TMPRSS11A: variants seen among roughly 807,000 people sequenced by gnomAD.
TMPRSS11A encodes the protein transmembrane serine protease 11A.
TMPRSS11A carries 53 observed loss-of-function variants against 58.9 expected under a neutral mutation model. That is an observed-to-expected ratio of 0.90 (90% CI 0.72 to 1.13). The LOEUF (loss-of-function observed/expected upper bound fraction) is 1.13, where lower values mean the gene tolerates loss of function less well. Among genes scored for constraint, TMPRSS11A ranks in the 50% most tolerant of loss-of-function variants. TMPRSS11A has a pLI of 0.00. For missense variants in TMPRSS11A, 493 were observed against 499.3 expected (o/e 0.99, Z 0.12); for synonymous variants, 167 against 169.8 (o/e 0.98, Z 0.13).
At chr4:67,924,192 T>G in intron 5 of TMPRSS11A, 26 bp from the exon 6 acceptor site, 1 of 1,604,010 alleles carries the variant, frequency 6.2e-7, no homozygotes, top group Non-Finnish European at 8.5e-7. Flanking sequence ...AAACAAATAG[T>G]GATAATTTGA....
chr4:67,960,474 G>T lies in TMPRSS11A; in HGVS notation c.11+2909C>A, dbSNP rs1285604652. ...CTACTTTCTTCACCTATAAAATGGA[G>T]ATAATATTACCTAAGTCATAGGATT... On this transcript the variant is annotated intron_variant, in intron 1 of 9. Transcript: ENST00000508048. 2.0e-5 allele frequency among the ~76,000 whole-genome samples: 3 copies of T among 152,260 alleles called. No individual in the cohort carries two copies. The East Asian group carries it at 5.8e-4, about 29-fold the overall frequency.
intron 8 of TMPRSS11A, among the ~76,000 whole-genome samples, chr4:67,918,222 A>G (rs191617743): frequency 1.5e-3 from 229 of 152,336 alleles, no homozygotes; most frequent in African/African-American, 5.1e-3. Context: ...AGCTTTTGTT[A>G]TACATATGTA....
chr4:67,936,772 A>T (rs1427935430), intron 3 of TMPRSS11A, among the ~76,000 whole-genome samples: 1 of 152,230 alleles, frequency 6.6e-6, no homozygotes, highest in Non-Finnish European at 1.5e-5. Context: ...TATTTCTGAG[A>T]TCACAAGGCA....
At chr4:67,922,446 A>G (rs1361044165) in intron 7 of TMPRSS11A, among the ~76,000 whole-genome samples, 1 of 152,226 alleles carries the variant, frequency 6.6e-6, no homozygotes, top group Non-Finnish European at 1.5e-5. Flanking sequence ...TTGACAAAAG[A>G]TTAATGGTAC....
At chr4:67,916,559 G>A (rs1437751246) in intron 8 of TMPRSS11A, among the ~76,000 whole-genome samples, 2 of 152,022 alleles carry the variant, frequency 1.3e-5, no homozygotes, top group Non-Finnish European at 2.9e-5. Flanking sequence ...GCGCGCGGTG[G>A]CTCACGCCTG....
chr4:67,912,306 A>G (rs113318206), intron 9 of TMPRSS11A, among the ~76,000 whole-genome samples: 2 of 151,210 alleles, frequency 1.3e-5, no homozygotes, highest in Non-Finnish European at 3.0e-5. Flanking sequence ...ACACACACAC[A>G]TACACACATA....
At chr4:67,933,613 C>T (rs193205389) in intron 3 of TMPRSS11A, among the ~76,000 whole-genome samples, 77 of 152,172 alleles carry the variant, frequency 5.1e-4, no homozygotes, top group African/African-American at 1.8e-3. Flanking sequence ...ATAAAGAAAG[C>T]CCCATTTAGC....
At position 67,919,045 on chromosome 4, in the gene TMPRSS11A, G is replaced by A. The variant is rs1328146340; in HGVS notation, c.880C>T (p.Pro294Ser). 3 of 1,614,146 alleles carry A rather than the reference G, an allele frequency of 1.9e-6. No individual in the cohort carries two copies. The highest frequency in any genetic ancestry group is 1.7e-6 in the Non-Finnish European group (2 of 1,180,024). Residue 294 changes from proline to serine, a missense_variant, in exon 8 of 10, where the codon CCA (proline) becomes TCA (serine). Transcript: ENST00000508048. ...GGTTGGAAGGATGCAGAGGCTTCTG[G>A]CAAACAAATCTGGCGTATGTCATCC... ...FSDDIRQICL[P>S]EASASFQPNL...
At chr4:67,919,841 C>A (rs1416893871) in intron 7 of TMPRSS11A, among the ~76,000 whole-genome samples, 2 of 152,016 alleles carry the variant, frequency 1.3e-5, no homozygotes, top group African/African-American at 4.8e-5. Flanking sequence ...GCAGTCAGAA[C>A]ACAAGGGAAA....
At chr4:67,937,840 C>A (rs932953814) in intron 3 of TMPRSS11A, among the ~76,000 whole-genome samples, 1 of 152,006 alleles carries the variant, frequency 6.6e-6, no homozygotes, top group African/African-American at 2.4e-5. Flanking sequence ...CACATCTTTG[C>A]TATTGTGAAT....
intron 1 of TMPRSS11A, among the ~76,000 whole-genome samples, chr4:67,947,457 A>T (rs963128359): frequency 4.6e-5 from 7 of 152,196 alleles, no homozygotes; most frequent in Non-Finnish European, 7.3e-5. Context: ...AGAATATCTT[A>T]CTTTCTGGAC....
chr4:67,918,553 CCTTT>C (rs1720221175), intron 8 of TMPRSS11A, among the ~76,000 whole-genome samples: 1 of 152,120 alleles, frequency 6.6e-6, no homozygotes, highest in African/African-American at 2.4e-5. Flanking sequence ...AATAAATATT[CCTTT>C]CTATGTATTT....
chr4:67,933,104 AAC>A (rs34906854), intron 3 of TMPRSS11A, among the ~76,000 whole-genome samples: 74,838 of 150,070 alleles, frequency 0.5, 19,122 homozygotes, highest in Non-Finnish European at 0.54. Context: ...GCATGACTGA[AAC>A]ACACACACAC....
At chr4:67,929,173 T>C (rs1226502776) in intron 5 of TMPRSS11A, among the ~76,000 whole-genome samples, 1 of 152,204 alleles carries the variant, frequency 6.6e-6, no homozygotes, top group East Asian at 1.9e-4. Flanking sequence ...TTCACTTCTA[T>C]AAAGGTGAAT....
Position 67,929,875 on chromosome 4 carries a change from C to G in TMPRSS11A, c.481+5G>C, listed in dbSNP as rs774292392. ...TTCATATCACATAGAAGGGGACCTC[C>G]TTACCATTAACTTGAACTGATGAGG... On this transcript the variant is annotated splice_donor_5th_base_variant and intron_variant, in intron 5 of 9. Coordinates refer to ENST00000508048, the MANE Select transcript of TMPRSS11A (RefSeq NM_001114387.2). 1.2e-6 allele frequency: 2 copies of G among 1,604,320 alleles called. No individual in the cohort carries two copies. Among genetic ancestry groups the G allele is most frequent in the South Asian group, 2.2e-5 (2 of 89,464 alleles).
intron 3 of TMPRSS11A, among the ~76,000 whole-genome samples, chr4:67,943,844 T>C (rs1229092964): frequency 6.6e-6 from 1 of 152,176 alleles, no homozygotes; most frequent in Admixed American, 6.6e-5. Context: ...AACAAACCAA[T>C]ACATTTGTCA....
chr4:67,944,888 A>G (rs1720965470), intron 2 of TMPRSS11A, among the ~76,000 whole-genome samples: 1 of 152,170 alleles, frequency 6.6e-6, no homozygotes, highest in African/African-American at 2.4e-5. Flanking sequence ...CCAGCTCTCT[A>G]AGATTGGTAT....
intron 4 of TMPRSS11A, 100 bp from the exon 5 acceptor site, chr4:67,930,140 T>C: frequency 8.9e-7 from 1 of 1,121,718 alleles, no homozygotes; most frequent in African/African-American, 1.5e-5. Context: ...CCTCAGTTGC[T>C]GAGAGTGTCA....
At chr4:67,917,184 T>C in intron 8 of TMPRSS11A, among the ~76,000 whole-genome samples, 1 of 152,070 alleles carries the variant, frequency 6.6e-6, no homozygotes, top group Non-Finnish European at 1.5e-5. Flanking sequence ...TTATTTTTTA[T>C]TTTTCTAGTT....
Sources: gnomAD v4.1 joint callset for allele counts (sites outside exome capture counted in the v4.1 genomes callset) on GRCh38, gnomAD v4.1.1 for gene constraint, MANE v1.5 for transcripts, NCBI Gene and HGNC (gene_info 2026-07-23, HGNC 2026-07-21) for gene names.